TLDC2: variants seen among roughly 807,000 people sequenced by gnomAD.
The protein encoded by TLDC2 is TLD domain-containing protein 2.
In TLDC2, 23 loss-of-function variants were observed where a neutral mutation model predicts 27.9. The observed-to-expected ratio is 0.82, with a 90% CI of 0.59 to 1.17. The LOEUF is 1.17. TLDC2 is among the 50% of genes most tolerant of loss of function. The pLI is 0.00. For missense variants in TLDC2, 286 were observed against 273.4 expected, an observed-to-expected ratio of 1.05 and a Z score of -0.32; for synonymous variants, 124 against 107.4, an observed-to-expected ratio of 1.16 and a Z score of -0.96.
chr20:36,893,210 T>C lies in TLDC2; in HGVS notation c.*366T>C. 3 of 991,004 alleles carry C rather than the reference T, an allele frequency of 3.0e-6. No individual in the cohort carries two copies. Among genetic ancestry groups the C allele is most frequent in the African/African-American group, 1.6e-5 (1 of 61,858 alleles). The allele number at this position is 991,004 out of a possible 1,614,324, so 61.4% of individuals were successfully genotyped here. A position where few individuals can be genotyped will look rare whatever the true frequency, so the allele number is the denominator to read the frequency against. ...TCCTCAATCCAGGGAAACTCCAAAT[T>C]ACATATGCCCTGTGCTTGGGGCAAA... On this transcript the variant is annotated 3_prime_UTR_variant, in exon 7 of 7. Transcript: ENST00000217320.
intron 4 of TLDC2, among the ~76,000 whole-genome samples, chr20:36,886,066 G>A (rs915588937): frequency 2.6e-5 from 4 of 152,186 alleles, no homozygotes; most frequent in African/African-American, 9.6e-5. Flanking sequence ...GTCAATAAGG[G>A]GGAGAAGGGG....
Position 36,889,257 on chromosome 20 carries a change from G to T in TLDC2, c.519G>T (p.Arg173=). 1.2e-6 allele frequency: 2 copies of T among 1,614,140 alleles called. No individual in the cohort carries two copies. The highest frequency in any genetic ancestry group is 1.7e-6 in the Non-Finnish European group (2 of 1,180,010). The change falls in exon 6 of 7, where the codon CGG becomes CGT. Residue 173 remains arginine, a synonymous_variant. Transcript: ENST00000217320. ...DSLMMGSGSG[R]FGLWLDGDLF... is the part of the protein sequence containing the mutation. ...ACTGTCCTCTTCTCTCTAGTGGCCG[G>T]TTTGGGCTGTGGTTGGATGGAGACT...
intron 5 of TLDC2, 106 bp downstream of exon 5, chr20:36,887,634 T>C: frequency 1.9e-6 from 2 of 1,076,212 alleles, no homozygotes; most frequent in East Asian, 2.4e-5. Flanking sequence ...GCGAGGCTAG[T>C]GGGGAACTCT....
At chr20:36,880,520 C>G in intron 3 of TLDC2, 135 bp from the exon 4 acceptor site, 1 of 645,400 alleles carries the variant, frequency 1.5e-6, no homozygotes, top group Admixed American at 2.9e-5. Flanking sequence ...GGGTGTGGAG[C>G]CCCCATGCCC....
chr20:36,893,142 A>G lies in TLDC2; in HGVS notation c.*298A>G. Reference sequence around the variant, plus strand: ...CATCTTATTTCTGAGTGAAAGTCTCAAGTGCGCACATCCTCATCTTGCATA... The same window carrying G: ...CATCTTATTTCTGAGTGAAAGTCTCGAGTGCGCACATCCTCATCTTGCATA... On this transcript the variant is annotated 3_prime_UTR_variant, in exon 7 of 7. Transcript: ENST00000217320. 6.5e-7 allele frequency: 1 copy of G among 1,548,654 alleles called. No homozygotes were observed. Among genetic ancestry groups the G allele is most frequent in the South Asian group, 1.1e-5 (1 of 89,686 alleles).
chr20:36,879,021 A>G lies in TLDC2; in HGVS notation c.190-20A>G. 1 of 1,613,910 alleles carries G rather than the reference A, an allele frequency of 6.2e-7. No homozygotes were observed. The highest frequency in any genetic ancestry group is 8.5e-7 in the Non-Finnish European group (1 of 1,179,970). On this transcript the variant is annotated intron_variant, in intron 2 of 6. Coordinates refer to ENST00000217320, the MANE Select transcript of TLDC2 (RefSeq NM_080628.3). ...GGGCGCGAGGAGAACTCCTCCATTC[A>G]CCTCCAACCCTGTCCCCAGCTCAGC...
At chr20:36,882,753 G>A (rs562261156) in intron 4 of TLDC2, among the ~76,000 whole-genome samples, 1 of 152,258 alleles carries the variant, frequency 6.6e-6, no homozygotes, top group Admixed American at 6.5e-5. Flanking sequence ...GCTCCATCGA[G>A]CTTCCCAGGA....
intron 2 of TLDC2, 104 bp downstream of exon 2, chr20:36,878,158 C>T (rs1989718127): frequency 7.6e-7 from 1 of 1,311,422 alleles, no homozygotes; most frequent in Non-Finnish European, 1.0e-6. Context: ...GTCACTCTTG[C>T]TCTGTTCTCA....
At chr20:36,878,659 G>A (rs1989729660) in intron 2 of TLDC2, among the ~76,000 whole-genome samples, 1 of 151,984 alleles carries the variant, frequency 6.6e-6, no homozygotes, top group African/African-American at 2.4e-5. Context: ...AGAGGGGTGG[G>A]CGGATGAGAC....
At chr20:36,876,753 ACATT>A (rs1311138851) in intron 1 of TLDC2, among the ~76,000 whole-genome samples, 2 of 152,108 alleles carry the variant, frequency 1.3e-5, no homozygotes, top group Non-Finnish European at 2.9e-5. Context: ...AGACACACAC[ACATT>A]CAAACACACA....
rs530800937 is a variant in TLDC2, at chr20:36,876,304, G to A, written c.33+97G>A. 20 of 1,529,912 alleles carry A rather than the reference G, an allele frequency of 1.3e-5. No individual in the cohort carries two copies. The Admixed American group carries it at 2.7e-4, about 21-fold the overall frequency. The allele number at this position is 1,529,912 out of a possible 1,614,324, so 94.8% of individuals were successfully genotyped here. A position where few individuals can be genotyped will look rare whatever the true frequency, so the allele number is the denominator to read the frequency against. ...CCTGGGCTAGGGTTGGATGCGGGCA[G>A]TGACTTGTTCCCCTCTCAAGTCCCT... On this transcript the variant is annotated intron_variant, in intron 1 of 6. Transcript: ENST00000217320.
Position 36,893,588 on chromosome 20 carries a change from A to C in TLDC2, c.*744A>C. On this transcript the variant is annotated 3_prime_UTR_variant, in exon 7 of 7. Transcript: ENST00000217320. ...CAAAGAAGCTCCTCCACCCAAAATA[A>C]GGGAGAGATCCAAAGGGAGGCGATA... 1 of 311,948 alleles carries C rather than the reference A, an allele frequency of 3.2e-6. No individual in the cohort carries two copies. The highest frequency in any genetic ancestry group is 5.8e-6 in the Non-Finnish European group (1 of 171,990). The allele number at this position is 311,948 out of a possible 1,614,324, so 19.3% of individuals were successfully genotyped here.
chr20:36,888,892 G>C (rs1315842258), intron 5 of TLDC2, among the ~76,000 whole-genome samples: 3 of 151,262 alleles, frequency 2.0e-5, no homozygotes. Flanking sequence ...ATAGTGGTGG[G>C]CGGCCTGTAA....
intron 2 of TLDC2, among the ~76,000 whole-genome samples, 179 bp downstream of exon 2, chr20:36,878,233 A>G (rs983890000): frequency 2.2e-5 from 3 of 136,438 alleles, no homozygotes; most frequent in Non-Finnish European, 3.3e-5. Flanking sequence ...TTGTAAAATC[A>G]TCCAGTGTTG....
chr20:36,880,840 G>T (rs575467187), intron 4 of TLDC2, 90 bp downstream of exon 4: 8 of 1,180,346 alleles, frequency 6.8e-6, no homozygotes, highest in Non-Finnish European at 5.0e-6. Flanking sequence ...CATCCTCCAC[G>T]ATGGGCTGCC....
At position 36,881,658 on chromosome 20, in the gene TLDC2, G is replaced by A. The variant is rs748552607; in HGVS notation, c.438+908G>A. Among the ~76,000 whole-genome samples, 5 of 152,258 alleles carry A rather than the reference G, an allele frequency of 3.3e-5. No homozygotes were observed. In the South Asian group the frequency reaches 1.0e-3, roughly 32 times the overall value. On this transcript the variant is annotated intron_variant, in intron 4 of 6. Coordinates refer to ENST00000217320, the MANE Select transcript of TLDC2 (RefSeq NM_080628.3). ...GCCAAACTGGCTTAACACCGGCAGA[G>A]AGGGAAAGGAAGTTGAAGGGAGTGA... is the stretch of plus-strand genomic sequence containing the variant.
Position 36,880,663 on chromosome 20 carries a change from AG to A in TLDC2, c.352del (p.Ala118ProfsTer28). ...CAACTTCCACTTTCCAGATATTTGG[AG>A]CCTTCTCCTCCTCGGCTATCCGACT... Reference protein sequence around the residue: ...LRDQDGQIFGAFSSSAIRLSK... With the variant: ...LRDQDGQIFGXFSSSAIRLSK... On this transcript the variant is annotated frameshift_variant, in exon 4 of 7. Coordinates refer to ENST00000217320, the MANE Select transcript of TLDC2 (RefSeq NM_080628.3). LOFTEE classifies it high-confidence loss of function. 6.2e-7 allele frequency: 1 copy of A among 1,614,000 alleles called. No individual in the cohort carries two copies. Among genetic ancestry groups the A allele is most frequent in the East Asian group, 2.2e-5 (1 of 44,878 alleles).
intron 4 of TLDC2, among the ~76,000 whole-genome samples, chr20:36,881,926 C>T (rs1309372180): frequency 6.6e-6 from 1 of 152,168 alleles, no homozygotes; most frequent in Non-Finnish European, 1.5e-5. Flanking sequence ...GACAAATTCT[C>T]AGATGTGAAC....
In TLDC2 at chr20:36,892,957, T is replaced by A; in HGVS notation, c.*113T>A. The A allele has an allele frequency of 5.6e-6, 9 of 1,614,124 alleles. No individual in the cohort carries two copies. Among genetic ancestry groups the A allele is most frequent in the Non-Finnish European group, 7.6e-6 (9 of 1,180,032 alleles). ...TCACATTGGGTCATCTTTAAAAAGCTGGACTCTGCTTTTGGATGCTTCTCG... is the reference window on the plus strand; with the variant it reads ...TCACATTGGGTCATCTTTAAAAAGCAGGACTCTGCTTTTGGATGCTTCTCG... On this transcript the variant is annotated 3_prime_UTR_variant, in exon 7 of 7. Transcript: ENST00000217320.
Sources: allele counts gnomAD v4.1 joint callset (sites outside exome capture counted in the v4.1 genomes callset), GRCh38; gene constraint gnomAD v4.1.1; transcripts MANE v1.5; gene names NCBI Gene and HGNC (gene_info 2026-07-23, HGNC 2026-07-21).